DLGAP2: variants seen among roughly 807,000 people sequenced by gnomAD.
DLGAP2 encodes disks large-associated protein 2.
DLGAP2 carries 26 observed loss-of-function variants against 100.3 expected under a neutral mutation model. The ratio of observed to expected loss-of-function variants is 0.26; its 90% CI spans 0.19 to 0.36. DLGAP2 has a LOEUF of 0.36. Ranked by LOEUF, DLGAP2 falls within the 10% of genes least tolerant of loss-of-function variation. The pLI is 1.00. For synonymous variants in DLGAP2, 886 were observed against 630.1 expected, an observed-to-expected ratio of 1.41 and a Z score of -6.08; for missense variants, 1,858 against 1,453.2, an observed-to-expected ratio of 1.28 and a Z score of -4.53.
At chr8:1,283,353 C>T (rs1024237441) in intron 3 of DLGAP2, among the ~76,000 whole-genome samples, 1 of 152,128 alleles carries the variant, frequency 6.6e-6, no homozygotes, top group Non-Finnish European at 1.5e-5. Context: ...GGATCTGTCC[C>T]TCTTCGTCCC....
intron 1 of DLGAP2, among the ~76,000 whole-genome samples, chr8:833,465 G>T (rs1223654102): frequency 6.6e-6 from 1 of 152,186 alleles, no homozygotes; most frequent in Non-Finnish European, 1.5e-5. Context: ...GGTCCTGCCT[G>T]CCTTGGCTTG....
At chr8:1,529,372 G>A (rs1334166712) in intron 4 of DLGAP2, among the ~76,000 whole-genome samples, 1 of 152,166 alleles carries the variant, frequency 6.6e-6, no homozygotes, top group Non-Finnish European at 1.5e-5. Flanking sequence ...ATGAGATTTA[G>A]ATGGAGACAC....
chr8:1,485,712 G>A (rs1725798866), intron 3 of DLGAP2, among the ~76,000 whole-genome samples: 1 of 152,196 alleles, frequency 6.6e-6, no homozygotes, highest in Non-Finnish European at 1.5e-5. Flanking sequence ...CTTTGAAAGG[G>A]CCCAGGGAGG....
chr8:1,033,363 G>T (rs751683001), intron 2 of DLGAP2, among the ~76,000 whole-genome samples: 5 of 152,160 alleles, frequency 3.3e-5, no homozygotes, highest in Non-Finnish European at 7.3e-5. Context: ...GATGAATGAA[G>T]AATAAAGGCT....
At chr8:1,008,106 T>G (rs1045426292) in intron 2 of DLGAP2, among the ~76,000 whole-genome samples, 1 of 152,244 alleles carries the variant, frequency 6.6e-6, no homozygotes, top group African/African-American at 2.4e-5. Context: ...CCAAATTGAT[T>G]AGTGAAGAAA....
chr8:1,043,542 A>G (rs2129031190), intron 2 of DLGAP2, among the ~76,000 whole-genome samples: 1 of 152,134 alleles, frequency 6.6e-6, no homozygotes. Context: ...AGGATTCTTC[A>G]GGAAGCAGTA....
At chr8:1,031,709 T>C (rs1466834716) in intron 2 of DLGAP2, among the ~76,000 whole-genome samples, 2 of 152,232 alleles carry the variant, frequency 1.3e-5, no homozygotes, top group South Asian at 2.1e-4. Flanking sequence ...AAAAAAATAA[T>C]GACCCCTTTC....
chr8:1,504,127 C>T (rs930182222), intron 4 of DLGAP2, among the ~76,000 whole-genome samples: 1 of 151,502 alleles, frequency 6.6e-6, no homozygotes, highest in African/African-American at 2.4e-5. Context: ...TAAAAACATA[C>T]CAGTGCCCAG....
intron 2 of DLGAP2, among the ~76,000 whole-genome samples, chr8:1,192,709 G>A (rs546761289): frequency 1.0e-4 from 15 of 149,638 alleles, no homozygotes; most frequent in Admixed American, 2.7e-4. Context: ...TTTAGGGTAC[G>A]TGTGCACAAT....
At chr8:777,213 C>T (rs1821545931) in intron 1 of DLGAP2, among the ~76,000 whole-genome samples, 1 of 151,770 alleles carries the variant, frequency 6.6e-6, no homozygotes, top group Admixed American at 6.6e-5. Flanking sequence ...GTAGATCTTC[C>T]TCCATCCTTT....
chr8:760,311 C>G (rs1821049063), intron 1 of DLGAP2, among the ~76,000 whole-genome samples: 1 of 152,182 alleles, frequency 6.6e-6, no homozygotes, highest in Non-Finnish European at 1.5e-5. Context: ...TCAGAATCAA[C>G]TTCTCTTTAG....
At chr8:1,472,218 C>T (rs779913960) in intron 3 of DLGAP2, among the ~76,000 whole-genome samples, 13 of 152,074 alleles carry the variant, frequency 8.5e-5, no homozygotes, top group African/African-American at 1.9e-4. Flanking sequence ...GGATGCCTGC[C>T]GCCATGTTGG....
intron 12 of DLGAP2, among the ~76,000 whole-genome samples, chr8:1,679,463 A>T (rs1273140736): frequency 7.0e-6 from 1 of 142,430 alleles, no homozygotes; most frequent in African/African-American, 2.6e-5. Context: ...CAAAGGTCTC[A>T]CTCCTGGGTG....
chr8:1,144,931 C>T (rs1417600994), intron 2 of DLGAP2, among the ~76,000 whole-genome samples: 2 of 150,742 alleles, frequency 1.3e-5, no homozygotes, highest in Non-Finnish European at 3.0e-5. Flanking sequence ...CACAGTCAAA[C>T]CGCAGACGGC....
intron 3 of DLGAP2, among the ~76,000 whole-genome samples, chr8:1,299,205 C>T (rs1390458435): frequency 6.6e-6 from 1 of 152,204 alleles, no homozygotes; most frequent in African/African-American, 2.4e-5. Context: ...GGGTACTGTG[C>T]AGGGCGGCAC....
chr8:881,043 T>A (rs954844805), intron 1 of DLGAP2, among the ~76,000 whole-genome samples: 1 of 152,248 alleles, frequency 6.6e-6, no homozygotes, highest in African/African-American at 2.4e-5. Context: ...GAGTAAGGTC[T>A]ACCTTCATTT....
chr8:1,316,948 G>T (rs77259455), intron 3 of DLGAP2, among the ~76,000 whole-genome samples: 1 of 93,342 alleles, frequency 1.1e-5, no homozygotes, highest in Non-Finnish European at 2.2e-5. Context: ...GAGACACTCG[G>T]CAGCGTTTAA....
At chr8:763,477 C>G (rs770513932) in intron 1 of DLGAP2, among the ~76,000 whole-genome samples, 3 of 152,208 alleles carry the variant, frequency 2.0e-5, no homozygotes, top group Non-Finnish European at 4.4e-5. Flanking sequence ...TCAATGGCAT[C>G]TTGAATGGGA....
chr8:1,026,235 C>T (rs193032772), intron 2 of DLGAP2, among the ~76,000 whole-genome samples: 8 of 152,202 alleles, frequency 5.3e-5, no homozygotes, highest in African/African-American at 1.2e-4. Context: ...AGACGTTTGC[C>T]GTCTTCCGAA....
Sources: allele counts gnomAD v4.1 joint callset (sites outside exome capture counted in the v4.1 genomes callset), GRCh38; gene constraint gnomAD v4.1.1; transcripts MANE v1.5; gene names NCBI Gene and HGNC (gene_info 2026-07-23, HGNC 2026-07-21).